ZNF174: variants seen among roughly 807,000 people sequenced by gnomAD.
ZNF174 encodes the protein AW-1.
Under a neutral mutation model 38.7 loss-of-function variants are expected in ZNF174, and 30 were observed. That is an observed-to-expected ratio of 0.78 (90% confidence interval 0.58 to 1.05). The LOEUF (loss-of-function observed/expected upper bound fraction) is 1.05, where lower values mean the gene tolerates loss of function less well. Among genes scored for constraint, ZNF174 ranks in the 50% least tolerant of loss-of-function variants. ZNF174 has a pLI of 0.00. For missense variants in ZNF174, 499 were observed against 495.6 expected (o/e 1.01, Z -0.06); for synonymous variants, 201 against 181.7 (o/e 1.11, Z -0.86).
intron 2 of ZNF174, among the ~76,000 whole-genome samples, chr16:3,407,602 T>C (rs868526381): frequency 3.3e-5 from 5 of 152,220 alleles, no homozygotes; most frequent in South Asian, 2.1e-4. Context: ...GGCTGCCATA[T>C]TGAACAACGT....
rs1024209897 is a variant in ZNF174 at position 3,402,649 on chromosome 16, A to G, written c.402+243A>G. Among the ~76,000 whole-genome samples the G allele has an allele frequency of 7.2e-5, 11 of 151,736 alleles. 1 individual carries two copies. The highest frequency in any genetic ancestry group is 3.4e-3 in the Middle Eastern group (1 of 294). ...AATTTTTTGTATTTTTAGTAGAGAC[A>G]GGGTTTCACCGTGTTAGCCAGGATG... On this transcript the variant is annotated intron_variant, in intron 1 of 2. Transcript: ENST00000268655.
At position 3,408,370 on chromosome 16, in the gene ZNF174, G is replaced by T. The variant is rs111649299; in HGVS notation, c.675G>T (p.Gly225=). 3.7e-6 allele frequency: 6 copies of T among 1,613,584 alleles called. No individual in the cohort carries two copies. Among genetic ancestry groups the T allele is most frequent in the Non-Finnish European group, 5.1e-6 (6 of 1,179,842 alleles). Residue 225 remains glycine (G), a synonymous_variant, in exon 3 of 3, where the codon GGG becomes GGT. Transcript: ENST00000268655. ...ACAAGGAAAATCCACAACAGGAAGG[G>T]GCTAAAGGAGCAAAGCCATGTGCAG... ...SDNKENPQQE[G]AKGAKPCAVS... is the part of the protein sequence containing the mutation.
rs929716978 is a variant in ZNF174 at position 3,402,345 on chromosome 16, G to T, written c.341G>T (p.Ser114Ile). 4.3e-6 allele frequency: 7 copies of T among 1,613,944 alleles called. No individual in the cohort carries two copies. The highest frequency in any genetic ancestry group is 1.7e-5 in the Admixed American group (1 of 59,984). Residue 114 changes from serine to isoleucine, a missense_variant, in exon 1 of 3, where the codon AGC becomes ATC. Physicochemically the swap from Ser to Ile is moderately radical, Grantham distance 142 (BLOSUM62 -2). Coordinates refer to ENST00000268655, the MANE Select transcript of ZNF174 (RefSeq NM_003450.3). ...GTCAGGCATCGATGTCCAATGAGCA[G>T]CAAGGAGATTGTGACCCTCGTGGAA... ...ARVRHRCPMS[S>I]KEIVTLVEDF...
At chr16:3,404,807 G>T in intron 2 of ZNF174, 159 bp downstream of exon 2, 2 of 1,548,658 alleles carry the variant, frequency 1.3e-6, no homozygotes, top group Non-Finnish European at 1.8e-6. Context: ...AATTAGGATG[G>T]TGGTGATACT....
chr16:3,406,526 G>C (rs1278993682), intron 2 of ZNF174, among the ~76,000 whole-genome samples: 2 of 152,208 alleles, frequency 1.3e-5, no homozygotes, highest in Admixed American at 6.5e-5. Context: ...CATTTCCCTA[G>C]TGACTAATGG....
rs1255986869 is a variant in ZNF174, at chr16:3,401,453, C to A, written c.-552C>A. 1 of 152,812 alleles carries A rather than the reference C, an allele frequency of 6.5e-6. No individual in the cohort carries two copies. The highest frequency in any genetic ancestry group is 1.5e-5 in the Non-Finnish European group (1 of 68,444). 9.5% of individuals were successfully genotyped at this position (152,812 alleles called of 1,614,324 possible). A position where few individuals can be genotyped will look rare whatever the true frequency, so the allele number is the denominator to read the frequency against. ...GAGGCCGGAGCCACTGGGCCTGCGG[C>A]GCCTCGGCAGCGAGCAGCCGCTTTG... On this transcript the variant is annotated 5_prime_UTR_variant, in exon 1 of 3. Transcript: ENST00000268655.
rs1399326306 is a variant in ZNF174, at chr16:3,408,974, C to A, written c.*55C>A. ...GGAAGGTGTTTGTGTTTCTCCTCCC[C>A]CTTACTTGCATGTAAATCACAAAAA... On this transcript the variant is annotated 3_prime_UTR_variant, in exon 3 of 3. Coordinates refer to ENST00000268655, the MANE Select transcript of ZNF174 (RefSeq NM_003450.3). 1.1e-5 allele frequency: 17 copies of A among 1,485,250 alleles called. No individual in the cohort carries two copies. Among genetic ancestry groups the A allele is most frequent in the Non-Finnish European group, 1.5e-5 (16 of 1,099,768 alleles). The allele number at this position is 1,485,250 out of a possible 1,614,324, so 92.0% of individuals were successfully genotyped here.
rs371862618 is a variant in ZNF174 at position 3,408,624 on chromosome 16, G to A, written c.929G>A (p.Arg310His). Residue 310 changes from arginine (R) to histidine (H), a missense_variant, in exon 3 of 3, where the codon CGT (arginine) becomes CAT (histidine). Physicochemically the swap from Arg to His is conservative, Grantham distance 29. Coordinates refer to ENST00000268655, the MANE Select transcript of ZNF174 (RefSeq NM_003450.3). ...GGAGGTAAACGGAGTCTGAGCAACC[G>A]TTTGCAACATCTTGGTCACCAGCCC... ...SKGGKRSLSN[R>H]LQHLGHQPTR... is the part of the protein sequence containing the mutation. The A allele has an allele frequency of 4.9e-5, 79 of 1,614,144 alleles. No individual in the cohort carries two copies. Among genetic ancestry groups the A allele is most frequent in the Admixed American group, 2.5e-4 (15 of 60,006 alleles).
chr16:3,409,154 G>A lies in ZNF174; in HGVS notation c.*235G>A. On this transcript the variant is annotated 3_prime_UTR_variant, in exon 3 of 3. Coordinates refer to ENST00000268655, the MANE Select transcript of ZNF174 (RefSeq NM_003450.3). ...GGGCACTGGGGCAAAGAGAACTTAA[G>A]TCTCTGCAGAGAGCAAGGAGTAACT... 1.9e-6 allele frequency: 1 copy of A among 534,632 alleles called. No individual in the cohort carries two copies. The allele number at this position is 534,632 out of a possible 1,614,324, so 33.1% of individuals were successfully genotyped here.
intron 1 of ZNF174, 47 bp downstream of exon 1, chr16:3,402,453 C>CTTTTTTTTTT (rs56903674): frequency 6.9e-6 from 9 of 1,300,694 alleles, no homozygotes; most frequent in South Asian, 1.4e-5. Context: ...TTTTTCTTTT[C>CTTTTTTTTTT]TTTTTTTTTT....
intron 2 of ZNF174, chr16:3,405,153 T>G: frequency 7.6e-7 from 1 of 1,315,846 alleles, no homozygotes; most frequent in East Asian, 2.6e-5. Context: ...CACAGTCCTG[T>G]GATCTCTAAG....
chr16:3,403,150 CTTTTTTTTTTTTTTTTTTTT>C (rs753071209), intron 1 of ZNF174, among the ~76,000 whole-genome samples: 8 of 30,938 alleles, frequency 2.6e-4, no homozygotes, highest in African/African-American at 5.8e-4. Context: ...AGCTTATAGT[CTTTTTTTTTTTTTTTTTTTT>C]TTTTTTTTTT....
At chr16:3,404,684 C>A in intron 2 of ZNF174, 36 bp downstream of exon 2, 1 of 1,610,418 alleles carries the variant, frequency 6.2e-7, no homozygotes, top group South Asian at 1.1e-5. Context: ...TCTCATCAGC[C>A]CTTTATCTCC....
In ZNF174 at chr16:3,408,318, T is replaced by C. The variant is rs752858302; in HGVS notation, c.626-3T>C. 2.6e-6 allele frequency: 4 copies of C among 1,565,768 alleles called. No individual in the cohort carries two copies. Among genetic ancestry groups the C allele is most frequent in the Non-Finnish European group, 3.5e-6 (4 of 1,159,176 alleles). On this transcript the variant is annotated splice_polypyrimidine_tract_variant and splice_region_variant and intron_variant, in intron 2 of 2. Coordinates refer to ENST00000268655, the MANE Select transcript of ZNF174 (RefSeq NM_003450.3). ...AAATGAAGCATTTTCTTTCTAATTA[T>C]AGAGGCCCCCAGAATGAGAAGTGAC...
chr16:3,401,227 C>G lies in ZNF174; in HGVS notation c.-778C>G, dbSNP rs1477436158. ...CGGCCCCGCCCCCAGCCCGTGCTCGCCGGTGTCGGGTCCTAAGTCCCTCGG... is the reference window on the plus strand; with the variant it reads ...CGGCCCCGCCCCCAGCCCGTGCTCGGCGGTGTCGGGTCCTAAGTCCCTCGG... On this transcript the variant is annotated 5_prime_UTR_variant, in exon 1 of 3. Transcript: ENST00000268655. 6.6e-6 allele frequency: 1 copy of G among 152,332 alleles called. No individual in the cohort carries two copies. Among genetic ancestry groups the G allele is most frequent in the African/African-American group, 2.4e-5 (1 of 41,462 alleles). The allele number at this position is 152,332 out of a possible 1,614,324, so 9.4% of individuals were successfully genotyped here.
At chr16:3,406,346 A>G (rs1225899501) in intron 2 of ZNF174, among the ~76,000 whole-genome samples, 1 of 152,234 alleles carries the variant, frequency 6.6e-6, no homozygotes, top group Non-Finnish European at 1.5e-5. Flanking sequence ...TGGTAATTCC[A>G]TGTTTAACTT....
At position 3,402,051 on chromosome 16, in the gene ZNF174, C is replaced by T; in HGVS notation, c.47C>T (p.Ser16Phe). The T allele has an allele frequency of 6.2e-7, 1 of 1,613,780 alleles. No individual in the cohort carries two copies. The highest frequency in any genetic ancestry group is 8.5e-7 in the Non-Finnish European group (1 of 1,179,942). ...EITLSSNTEA[S>F]SKQERHIIAK... ...ACTTTAAGCTCCAACACTGAAGCTT[C>T]CTCCAAGCAAGAGAGACACATAATA... The change falls in exon 1 of 3, where the codon TCC (serine) becomes TTC (phenylalanine). Residue 16 changes from serine (S) to phenylalanine (F), a missense_variant. Ser to Phe is a radical substitution (Grantham distance 155). Transcript: ENST00000268655.
intron 2 of ZNF174, 74 bp downstream of exon 2, chr16:3,404,722 G>T: frequency 1.9e-6 from 3 of 1,585,658 alleles, no homozygotes. Flanking sequence ...TTCTGCAAAG[G>T]CATAGACCAC....
At chr16:3,405,033 C>G in intron 2 of ZNF174, 2 of 1,598,094 alleles carry the variant, frequency 1.3e-6, no homozygotes, top group Non-Finnish European at 1.7e-6. Context: ...AAAAACCCAC[C>G]CTATATCTTA....
Sources: allele counts gnomAD v4.1 joint callset (sites outside exome capture counted in the v4.1 genomes callset), GRCh38; gene constraint gnomAD v4.1.1; transcripts MANE v1.5; gene names NCBI Gene and HGNC (gene_info 2026-07-23, HGNC 2026-07-21).